FCHO2: variants seen among roughly 807,000 people sequenced by gnomAD.
FCHO2 encodes FCH and mu domain containing endocytic adaptor 2.
Under a neutral mutation model 114.1 loss-of-function variants are expected in FCHO2, and 43 were observed. The observed-to-expected ratio is 0.38, with a 90% CI of 0.30 to 0.49. The LOEUF (loss-of-function observed/expected upper bound fraction) is 0.49, where lower values mean the gene tolerates loss of function less well. Among genes scored for constraint, FCHO2 ranks in the 20% least tolerant of loss-of-function variants. The pLI is 0.97. For missense variants in FCHO2, 807 were observed against 950.4 expected (o/e 0.85, Z 1.98); for synonymous variants, 293 against 315.2 (o/e 0.93, Z 0.75).
intron 23 of FCHO2, 63 bp from the exon 24 acceptor site, chr5:73,082,698 T>C: frequency 8.0e-7 from 1 of 1,247,140 alleles, no homozygotes; most frequent in Non-Finnish European, 1.1e-6. Context: ...TTTATTGAGG[T>C]CCCATTCATG....
At chr5:73,023,730 C>T (rs1389580526) in intron 8 of FCHO2, among the ~76,000 whole-genome samples, 3 of 151,182 alleles carry the variant, frequency 2.0e-5, no homozygotes, top group Non-Finnish European at 2.9e-5. Flanking sequence ...GTAGTCCAAA[C>T]ACATTTATTT....
intron 6 of FCHO2, among the ~76,000 whole-genome samples, chr5:73,008,505 T>A (rs1048737792): frequency 1.3e-5 from 2 of 152,010 alleles, no homozygotes; most frequent in Non-Finnish European, 2.9e-5. Flanking sequence ...TGAAGAACTG[T>A]TAGTTTGATG....
At position 73,058,541 on chromosome 5, in the gene FCHO2, A is replaced by G. The variant is rs1469504556; in HGVS notation, c.1345+17A>G. 8.1e-6 allele frequency: 8 copies of G among 991,156 alleles called. No homozygotes were observed. Among genetic ancestry groups the G allele is most frequent in the Non-Finnish European group, 1.1e-5 (8 of 701,600 alleles). 61.4% of individuals were successfully genotyped at this position (991,156 alleles called of 1,614,324 possible). The stretch of plus-strand genomic sequence containing the variant: ...CATCATCAGGTAAATATATATATGT[A>G]TATATGTATTTTTTTAAATAAAGAA... On this transcript the variant is annotated intron_variant, in intron 17 of 25. Coordinates refer to ENST00000430046, the MANE Select transcript of FCHO2 (RefSeq NM_138782.3).
chr5:73,042,511 A>G (rs1756852061), intron 11 of FCHO2, among the ~76,000 whole-genome samples: 1 of 152,198 alleles, frequency 6.6e-6, no homozygotes, highest in South Asian at 2.1e-4. Flanking sequence ...ATAATGATCA[A>G]TATTATCCAA....
chr5:72,990,800 A>T lies in FCHO2; in HGVS notation c.431A>T (p.Asn144Ile). The T allele has an allele frequency of 6.4e-7, 1 of 1,553,042 alleles. No individual in the cohort carries two copies. The highest frequency in any genetic ancestry group is 8.7e-7 in the Non-Finnish European group (1 of 1,147,520). The change falls in exon 5 of 26, where the codon AAT becomes ATT. Residue 144 changes from asparagine to isoleucine, a missense_variant. By Grantham distance (149) the Asn-to-Ile change is moderately radical. Transcript: ENST00000430046. ...QALQKSKENYNAKCVEQERLK... is the reference protein window; with the variant it reads ...QALQKSKENYIAKCVEQERLK... ...CTCCAGAAATCCAAGGAAAATTACA[A>T]TGCCAAGTGTGTAGAACAGGAGCGT...
chr5:73,020,274 A>G (rs575434539), intron 8 of FCHO2, among the ~76,000 whole-genome samples: 34 of 152,344 alleles, frequency 2.2e-4, no homozygotes, highest in African/African-American at 7.9e-4. Flanking sequence ...AGTAGGAAGC[A>G]AAGGACATAT....
At chr5:72,983,448 C>T (rs1246689525) in intron 2 of FCHO2, among the ~76,000 whole-genome samples, 1 of 151,830 alleles carries the variant, frequency 6.6e-6, no homozygotes, top group East Asian at 1.9e-4. Context: ...AGTGCAGCCT[C>T]CACGTCTTGG....
chr5:73,036,844 A>G (rs951404084), intron 9 of FCHO2, among the ~76,000 whole-genome samples: 2 of 152,352 alleles, frequency 1.3e-5, no homozygotes, highest in South Asian at 4.1e-4. Flanking sequence ...AAGTTTTAAG[A>G]TATCTCCATA....
At chr5:73,037,789 T>C (rs1473934812) in intron 10 of FCHO2, 2 of 345,596 alleles carry the variant, frequency 5.8e-6, no homozygotes, top group Admixed American at 7.1e-5. Flanking sequence ...GGAGTTTCAC[T>C]GTTGTTGCCC....
intron 8 of FCHO2, among the ~76,000 whole-genome samples, chr5:73,018,063 A>T (rs78835566): frequency 0.049 from 7,402 of 152,270 alleles, 465 homozygotes; most frequent in East Asian, 0.34. Context: ...TCCATAAGTA[A>T]AAATAATTTA....
At chr5:73,048,946 G>C (rs1212677211) in intron 11 of FCHO2, among the ~76,000 whole-genome samples, 1 of 141,726 alleles carries the variant, frequency 7.1e-6, no homozygotes, top group African/African-American at 2.7e-5. Context: ...GCGCGATCTC[G>C]GCTCACTGCA....
chr5:73,086,229 T>C (rs1743307410), intron 24 of FCHO2, among the ~76,000 whole-genome samples: 1 of 152,202 alleles, frequency 6.6e-6, no homozygotes, highest in Non-Finnish European at 1.5e-5. Context: ...ATTGTCAAGG[T>C]TGTTGCTCTT....
chr5:73,030,293 C>T lies in FCHO2; in HGVS notation c.797-4364C>T, dbSNP rs370853163. 5.3e-5 allele frequency among the ~76,000 whole-genome samples: 8 copies of T among 152,280 alleles called. No homozygotes were observed. In the South Asian group the frequency reaches 1.2e-3, roughly 24 times the overall value. On this transcript the variant is annotated intron_variant, in intron 8 of 25. Transcript: ENST00000430046. ...CTGACCTCAGGTGATCTGCCTGCCT[C>T]GGCCTTTCACAGTGCTGGGATTACA...
intron 2 of FCHO2, among the ~76,000 whole-genome samples, chr5:72,980,631 T>C (rs961740826): frequency 1.3e-5 from 2 of 152,232 alleles, no homozygotes; most frequent in Non-Finnish European, 2.9e-5. Context: ...TGGGTGCTCC[T>C]GTATTAGGTG....
At chr5:72,980,784 T>C (rs1308277003) in intron 2 of FCHO2, among the ~76,000 whole-genome samples, 1 of 152,204 alleles carries the variant, frequency 6.6e-6, no homozygotes, top group African/African-American at 2.4e-5. Context: ...TTTTTTGCTT[T>C]CCATTTGCTT....
At chr5:72,982,366 C>G (rs578074277) in intron 2 of FCHO2, among the ~76,000 whole-genome samples, 1 of 152,204 alleles carries the variant, frequency 6.6e-6, no homozygotes, top group Non-Finnish European at 1.5e-5. Flanking sequence ...GCCATCTTGC[C>G]AGCTGCCCCC....
At chr5:73,035,533 C>T (rs945009718) in intron 9 of FCHO2, among the ~76,000 whole-genome samples, 8 of 152,122 alleles carry the variant, frequency 5.3e-5, no homozygotes, top group African/African-American at 1.9e-4. Flanking sequence ...GACAGGGTCT[C>T]ACTTTGTTTC....
chr5:72,992,793 A>G (rs901099630), intron 5 of FCHO2, among the ~76,000 whole-genome samples: 34 of 152,268 alleles, frequency 2.2e-4, no homozygotes, highest in African/African-American at 7.5e-4. Flanking sequence ...GACTGAAATG[A>G]AATTGGGGCC....
chr5:73,018,530 T>C (rs1440634768), intron 8 of FCHO2, among the ~76,000 whole-genome samples: 4 of 151,994 alleles, frequency 2.6e-5, no homozygotes, highest in Admixed American at 2.0e-4. Context: ...CTTCTTTTTT[T>C]TTTTTTTTGT....
Sources: gnomAD v4.1 joint callset for allele counts (sites outside exome capture counted in the v4.1 genomes callset) on GRCh38, gnomAD v4.1.1 for gene constraint, MANE v1.5 for transcripts, NCBI Gene and HGNC (gene_info 2026-07-23, HGNC 2026-07-21) for gene names.